Variants in CCDC88A observed in about 807,000 individuals in gnomAD.
The protein encoded by CCDC88A is coiled-coil and HOOK domain protein 88A.
Under a neutral mutation model 234.3 loss-of-function variants are expected in CCDC88A, and 54 were observed. The ratio of observed to expected loss-of-function variants is 0.23; its 90% CI spans 0.19 to 0.29. The LOEUF (loss-of-function observed/expected upper bound fraction) is 0.29, where lower values mean the gene tolerates loss of function less well. CCDC88A is among the 10% of genes least tolerant of loss of function. The probability of loss-of-function intolerance (pLI) is 1.00; values close to 1 mark genes in which losing one functional copy is unlikely to be tolerated. For missense variants in CCDC88A, 1,832 were observed against 2,123.4 expected (o/e 0.86, Z 2.70); for synonymous variants, 753 against 737.8 (o/e 1.02, Z -0.33).
At chr2:55,344,912 G>C (rs538494372) in intron 10 of CCDC88A, among the ~76,000 whole-genome samples, 3 of 152,236 alleles carry the variant, frequency 2.0e-5, no homozygotes, top group South Asian at 2.1e-4. Context: ...TGGAAGTGAA[G>C]GGCTTGAGGT....
chr2:55,334,523 T>C lies in CCDC88A; in HGVS notation c.2298A>G (p.Gln766=), dbSNP rs1053763988. The change falls in exon 15 of 33, where the codon CAA becomes CAG. Residue 766 remains glutamine, a synonymous_variant. Coordinates refer to ENST00000436346, the MANE Select transcript of CCDC88A (RefSeq NM_001365480.1). This position sits in a 1 kb window ranked among gnomAD's most constrained non-coding sequence, Gnocchi z 6.1. ...TGTTCTCTAAAGTTTTTTGCAGTCT[T>C]TGATTTTCTATATCTAAACCCTGGT... The part of the protein sequence containing the change: ...VSYQGLDIEN[Q]RLQKTLENSN... The C allele has an allele frequency of 7.4e-6, 12 of 1,611,038 alleles. No homozygotes were observed. The highest frequency in any genetic ancestry group is 1.0e-5 in the Non-Finnish European group (12 of 1,179,380).
chr2:55,341,148 T>C (rs1340630936), intron 12 of CCDC88A, among the ~76,000 whole-genome samples: 8 of 143,850 alleles, frequency 5.6e-5, no homozygotes, highest in Non-Finnish European at 1.1e-4. Flanking sequence ...TTCTTTTTTT[T>C]TTTTTTTTTT....
chr2:55,315,150 C>T (rs1273845720), intron 22 of CCDC88A: 1 of 152,206 alleles, frequency 6.6e-6, no homozygotes, highest in Non-Finnish European at 1.5e-5. Context: ...ATATTTCAAC[C>T]TCAGGCTATC....
At position 55,334,763 on chromosome 2, in the gene CCDC88A, G is replaced by A; in HGVS notation, c.2058C>T (p.Thr686=). ...KKTLDSFKNL[T]FQLESLEKEN... ...CTTTTTCTAGGGATTCTAACTGAAA[G>A]GTCAGATTTTTAAAGCTATCCAATG... Residue 686 remains threonine (T), a synonymous_variant, in exon 15 of 33, where the codon ACC becomes ACT. Transcript: ENST00000436346. This position sits in a 1 kb window ranked among gnomAD's most constrained non-coding sequence, Gnocchi z 6.1. 6.2e-7 allele frequency: 1 copy of A among 1,607,076 alleles called. No homozygotes were observed. Among genetic ancestry groups the A allele is most frequent in the South Asian group, 1.1e-5 (1 of 89,190 alleles).
At chr2:55,393,793 A>C (rs1017374634) in intron 2 of CCDC88A, among the ~76,000 whole-genome samples, 4 of 152,130 alleles carry the variant, frequency 2.6e-5, no homozygotes, top group African/African-American at 9.7e-5. Flanking sequence ...TGGAGACAGC[A>C]GATATCCTTC....
chr2:55,301,619 A>T (rs964295066), intron 27 of CCDC88A: 1 of 554,890 alleles, frequency 1.8e-6, no homozygotes, highest in African/African-American at 1.9e-5. Context: ...ATCACTCTTT[A>T]CCTGGTTTAC....
chr2:55,339,811 A>C lies in CCDC88A; in HGVS notation c.1334-163T>G, dbSNP rs1345705808. 18 of 543,304 alleles carry C rather than the reference A, an allele frequency of 3.3e-5. No individual in the cohort carries two copies. The African/African-American group carries it at 3.6e-4, about 11-fold the overall frequency. 33.7% of individuals were successfully genotyped at this position (543,304 alleles called of 1,614,324 possible). On this transcript the variant is annotated intron_variant, in intron 12 of 32. Transcript: ENST00000436346. ...ATAAGATAAACAAGATAAAAGAAGTAAATCTTTTTTTTCCTTTTCTTTTTT... is the reference window on the plus strand; with the variant it reads ...ATAAGATAAACAAGATAAAAGAAGTCAATCTTTTTTTTCCTTTTCTTTTTT...
At chr2:55,407,548 T>C (rs1679802579) in intron 2 of CCDC88A, among the ~76,000 whole-genome samples, 1 of 151,694 alleles carries the variant, frequency 6.6e-6, no homozygotes, top group Non-Finnish European at 1.5e-5. Flanking sequence ...GAGGTTGTAG[T>C]GAGCCAAGAT....
chr2:55,394,078 T>C (rs1376238873), intron 2 of CCDC88A: 1 of 152,112 alleles, frequency 6.6e-6, no homozygotes, highest in Non-Finnish European at 1.5e-5. Context: ...TCTCAGTCTC[T>C]CAAGTAGTTG....
At chr2:55,358,623 G>A (rs971397844) in intron 7 of CCDC88A, among the ~76,000 whole-genome samples, 5 of 151,982 alleles carry the variant, frequency 3.3e-5, no homozygotes, top group Non-Finnish European at 5.9e-5. Context: ...CCTCCAATTT[G>A]CCAAAGAAAC....
rs1683099559 is a variant in CCDC88A at position 55,317,218 on chromosome 2, C to G, written c.3734G>C (p.Gly1245Ala). 6.7e-7 allele frequency: 1 copy of G among 1,481,572 alleles called. No individual in the cohort carries two copies. The highest frequency in any genetic ancestry group is 1.9e-5 in the Admixed American group (1 of 51,522). The allele number at this position is 1,481,572 out of a possible 1,614,324, so 91.8% of individuals were successfully genotyped here. ...ATATATTTATTACCTATCATTTTCA[C>G]CACAAAGTTTCTTGTATTCTGCAGC... ...TVAAEYKKLCGENDRLNHTYS... is the reference protein window; with the variant it reads ...TVAAEYKKLCAENDRLNHTYS... The change falls in exon 21 of 33, where the codon GGT becomes GCT. Residue 1245 changes from glycine (G) to alanine (A), a missense_variant. Around this residue, in one of 6 missense-constraint regions of CCDC88A, gnomAD observed 1,282 missense variants for 1,543.6 expected, o/e 0.83. Transcript: ENST00000436346. This position sits in a 1 kb window ranked among gnomAD's most constrained non-coding sequence, Gnocchi z 4.2.
chr2:55,376,650 C>T (rs1170768321), intron 3 of CCDC88A, among the ~76,000 whole-genome samples: 1 of 152,112 alleles, frequency 6.6e-6, no homozygotes, highest in Non-Finnish European at 1.5e-5. Context: ...AGTACATACT[C>T]AATATATGCA....
At chr2:55,305,659 C>A (rs187977284) in intron 25 of CCDC88A, among the ~76,000 whole-genome samples, 1 of 152,092 alleles carries the variant, frequency 6.6e-6, no homozygotes, top group African/African-American at 2.4e-5. Context: ...CCAGTCTGGG[C>A]TTAATAAGTG....
At chr2:55,291,421 A>G (rs1679438619) in intron 32 of CCDC88A, 1 of 243,664 alleles carries the variant, frequency 4.1e-6, no homozygotes, top group East Asian at 7.9e-5. Context: ...AGTAATTCCT[A>G]GAACATAATT....
intron 5 of CCDC88A, among the ~76,000 whole-genome samples, chr2:55,367,528 G>GTTTTTTTTTTTTTTTGTTTTTTTTT: frequency 1.0e-5 from 1 of 99,890 alleles, no homozygotes; most frequent in South Asian, 3.4e-4. Flanking sequence ...TTATTTCCTT[G>GTTTTTTTTTTTTTTTGTTTTTTTTT]TTTTTTTTTA....
intron 29 of CCDC88A, among the ~76,000 whole-genome samples, chr2:55,297,837 T>C (rs926664115): frequency 7.9e-5 from 12 of 152,174 alleles, no homozygotes; most frequent in African/African-American, 2.9e-4. Flanking sequence ...TCTCTGTTCA[T>C]CCTGCATGGA....
intron 2 of CCDC88A, among the ~76,000 whole-genome samples, chr2:55,393,140 C>T (rs375573627): frequency 4.0e-5 from 6 of 151,774 alleles, no homozygotes; most frequent in African/African-American, 1.5e-4. Context: ...TTAAAATCTC[C>T]CCACAGAACT....
Position 55,317,943 on chromosome 2 carries a change from A to G in CCDC88A, c.3325-102T>C, listed in dbSNP as rs112231644. On this transcript the variant is annotated intron_variant, in intron 19 of 32. Coordinates refer to ENST00000436346, the MANE Select transcript of CCDC88A (RefSeq NM_001365480.1). The surrounding 1 kb of genome is among the most constrained non-coding windows in gnomAD (Gnocchi z 4.2). Reference sequence around the variant, plus strand: ...AATTAAAGAAAGCTCTAAATGAATCACAGCACACATATTTACATTATACTG... The same window carrying G: ...AATTAAAGAAAGCTCTAAATGAATCGCAGCACACATATTTACATTATACTG... 1,570 of 815,182 alleles carry G rather than the reference A, an allele frequency of 1.9e-3. 16 individuals are homozygous for G. The African/African-American group carries it at 0.025, about 13-fold the overall frequency. The allele number at this position is 815,182 out of a possible 1,614,324, so 50.5% of individuals were successfully genotyped here.
At chr2:55,396,251 A>C (rs1034882763) in intron 2 of CCDC88A, among the ~76,000 whole-genome samples, 2 of 152,144 alleles carry the variant, frequency 1.3e-5, no homozygotes, top group Non-Finnish European at 2.9e-5. Context: ...CAGTAACAAA[A>C]ATTTTAGGTA....
Sources: allele counts gnomAD v4.1 joint callset (sites outside exome capture counted in the v4.1 genomes callset), GRCh38; gene constraint gnomAD v4.1.1; regional missense constraint gnomAD v4.1.1; non-coding constraint Gnocchi (gnomAD v3.1); transcripts MANE v1.5; gene names NCBI Gene and HGNC (gene_info 2026-07-23, HGNC 2026-07-21).